The following SKI variants were observed in gnomAD, a reference collection of about 807,000 sequenced individuals.
The protein encoded by SKI is ski oncogene.
In SKI, 23 loss-of-function variants were observed where a neutral mutation model predicts 59.3. That is an observed-to-expected ratio of 0.39 (90% CI 0.28 to 0.55). The LOEUF (loss-of-function observed/expected upper bound fraction) is 0.55. Ranked by LOEUF, SKI falls within the 20% of genes least tolerant of loss-of-function variation. The pLI is 0.67. For synonymous variants in SKI, 673 were observed against 488.6 expected (o/e 1.38, Z -4.98); for missense variants, 1,017 against 1,038.9 (o/e 0.98, Z 0.29).
chr1:2,288,248 A>G (rs969036998), intron 1 of SKI, among the ~76,000 whole-genome samples: 3 of 151,892 alleles, frequency 2.0e-5, no homozygotes, highest in East Asian at 1.9e-4. Flanking sequence ...CAGCCTCCCA[A>G]ATAGCTGGGA....
chr1:2,289,089 T>C (rs1640106909), intron 1 of SKI, among the ~76,000 whole-genome samples: 1 of 152,212 alleles, frequency 6.6e-6, no homozygotes, highest in African/African-American at 2.4e-5. Context: ...GGTCATGTTC[T>C]GCAGGAGACC....
chr1:2,300,892 G>T (rs1360021206), intron 1 of SKI, among the ~76,000 whole-genome samples: 1 of 152,132 alleles, frequency 6.6e-6, no homozygotes, highest in Non-Finnish European at 1.5e-5. Flanking sequence ...TCGGGGCCCC[G>T]GGCCTACGGT....
intron 1 of SKI, chr1:2,240,842 T>C: frequency 4.1e-6 from 4 of 974,706 alleles, no homozygotes; most frequent in Non-Finnish European, 4.9e-6. Context: ...TGCTGCCCAG[T>C]GTGGGGGCCG....
chr1:2,231,123 G>T (rs1329482769), intron 1 of SKI, among the ~76,000 whole-genome samples: 1 of 152,200 alleles, frequency 6.6e-6, no homozygotes. Context: ...CACACGGGGA[G>T]TTGGTTGGGG....
chr1:2,233,430 A>G (rs1638687378), intron 1 of SKI, among the ~76,000 whole-genome samples: 1 of 152,160 alleles, frequency 6.6e-6, no homozygotes, highest in East Asian at 1.9e-4. Context: ...GTTGTGTTAC[A>G]GTGTTGTTGC....
intron 1 of SKI, among the ~76,000 whole-genome samples, chr1:2,301,340 T>G (rs1640419788): frequency 6.6e-6 from 1 of 152,188 alleles, no homozygotes; most frequent in Non-Finnish European, 1.5e-5. Context: ...AACAGCTATT[T>G]TAGTGTCTCT....
chr1:2,237,687 T>A (rs771917953), intron 1 of SKI, among the ~76,000 whole-genome samples: 3 of 152,266 alleles, frequency 2.0e-5, no homozygotes, highest in Non-Finnish European at 2.9e-5. Context: ...GGAGCAGATG[T>A]ATCTTTGCCC....
At chr1:2,279,875 G>A (rs549281854) in intron 1 of SKI, among the ~76,000 whole-genome samples, 16 of 152,194 alleles carry the variant, frequency 1.1e-4, no homozygotes, top group Non-Finnish European at 2.1e-4. Flanking sequence ...TTACACCAGT[G>A]TGGGCATCCA....
chr1:2,279,039 C>G (rs1443851085), intron 1 of SKI, among the ~76,000 whole-genome samples: 4 of 152,208 alleles, frequency 2.6e-5, no homozygotes, highest in Non-Finnish European at 5.9e-5. Flanking sequence ...GTCACTCTGG[C>G]CAGCTGCTCG....
chr1:2,254,563 G>T (rs1342351524), intron 1 of SKI, among the ~76,000 whole-genome samples: 1 of 152,226 alleles, frequency 6.6e-6, no homozygotes, highest in African/African-American at 2.4e-5. Context: ...CTGTCAGCCT[G>T]TCCTTGTGTG....
At chr1:2,278,662 T>A (rs1313738706) in intron 1 of SKI, among the ~76,000 whole-genome samples, 2 of 151,890 alleles carry the variant, frequency 1.3e-5, no homozygotes, top group East Asian at 1.9e-4. Context: ...GGGCCTTTTT[T>A]TTTTTAGGAA....
chr1:2,292,909 G>C (rs1481695689), intron 1 of SKI, among the ~76,000 whole-genome samples: 1 of 152,216 alleles, frequency 6.6e-6, no homozygotes, highest in Non-Finnish European at 1.5e-5. Context: ...CCGTGTCTCA[G>C]TGGCACCCTC....
chr1:2,293,030 C>T (rs949218120), intron 1 of SKI, among the ~76,000 whole-genome samples: 3 of 152,188 alleles, frequency 2.0e-5, no homozygotes, highest in Admixed American at 6.5e-5. Flanking sequence ...TGGGGCTTCA[C>T]TCCTGGGCAG....
intron 1 of SKI, among the ~76,000 whole-genome samples, chr1:2,271,394 T>G (rs1385918018): frequency 6.6e-6 from 1 of 151,878 alleles, no homozygotes; most frequent in African/African-American, 2.4e-5. Context: ...AGGAGCCTGT[T>G]ATGGAGCCGC....
intron 1 of SKI, among the ~76,000 whole-genome samples, chr1:2,291,953 C>G (rs1330664124): frequency 6.6e-6 from 1 of 152,210 alleles, no homozygotes; most frequent in Admixed American, 6.5e-5. Flanking sequence ...CCACAATAAT[C>G]AGAAAATAGG....
chr1:2,303,077 C>T lies in SKI; in HGVS notation c.1069C>T (p.Arg357Trp), dbSNP rs370418830. Residue 357 changes from arginine to tryptophan, a missense_variant, in exon 2 of 7, where the codon CGG (arginine) becomes TGG (tryptophan). Physicochemically the swap from Arg to Trp is moderately radical, Grantham distance 101. Coordinates refer to ENST00000378536, the MANE Select transcript of SKI (RefSeq NM_003036.4). The surrounding 1 kb of genome is among the most constrained non-coding windows in gnomAD (Gnocchi z 5.6). ...SEKDKPSSWL[R>W]TLAGSSNKSL... is the part of the protein sequence containing the mutation. ...AAAGGACAAGCCGTCCAGCTGGCTG[C>T]GGACCTTGGCCGGCTCTTCCAATAA... 40 of 1,613,418 alleles carry T rather than the reference C, an allele frequency of 2.5e-5. No individual in the cohort carries two copies. Among genetic ancestry groups the T allele is most frequent in the Non-Finnish European group, 2.6e-5 (31 of 1,180,024 alleles).
Position 2,268,956 on chromosome 1 carries a change from T to G in SKI, c.970-34022T>G, listed in dbSNP as rs953393759. Among the ~76,000 whole-genome samples, 3 of 151,376 alleles carry G rather than the reference T, an allele frequency of 2.0e-5. 1 individual carries two copies. On this transcript the variant is annotated intron_variant, in intron 1 of 6. Coordinates refer to ENST00000378536, the MANE Select transcript of SKI (RefSeq NM_003036.4). The surrounding 1 kb of genome is among the most constrained non-coding windows in gnomAD (Gnocchi z 5.0). ...CTTTCCTTCTCTCCTTCTCTCCCTC[T>G]TCTTTTTTCGACAGGGTCTGGCTCT... is the stretch of plus-strand genomic sequence containing the variant.
chr1:2,291,677 G>A (rs1640165674), intron 1 of SKI, among the ~76,000 whole-genome samples: 1 of 95,034 alleles, frequency 1.1e-5, no homozygotes, highest in South Asian at 3.6e-4. Flanking sequence ...GGGTCTTTGT[G>A]TTTTGATGCC....
At chr1:2,236,651 C>A (rs1267913718) in intron 1 of SKI, among the ~76,000 whole-genome samples, 2 of 152,186 alleles carry the variant, frequency 1.3e-5, no homozygotes, top group African/African-American at 2.4e-5. Context: ...TTGATCTGCC[C>A]ACCTCGGCCT....
Sources: gnomAD v4.1 joint callset for allele counts (sites outside exome capture counted in the v4.1 genomes callset) on GRCh38, gnomAD v4.1.1 for gene constraint, Gnocchi (gnomAD v3.1) non-coding constraint, MANE v1.5 for transcripts, NCBI Gene and HGNC (gene_info 2026-07-23, HGNC 2026-07-21) for gene names.